Variants in TTYH3 observed in about 807,000 individuals in gnomAD.
TTYH3 encodes protein tweety homolog 3.
Under a neutral mutation model 68.2 loss-of-function variants are expected in TTYH3, and 23 were observed. That is an observed-to-expected ratio of 0.34 (90% CI 0.24 to 0.48). The LOEUF is 0.48. TTYH3 is among the 20% of genes least tolerant of loss of function. The pLI is 0.99. For missense variants in TTYH3, 768 were observed against 727.7 expected, an observed-to-expected ratio of 1.06 and a Z score of -0.64; for synonymous variants, 360 against 332.8, an observed-to-expected ratio of 1.08 and a Z score of -0.89.
At chr7:2,646,830 C>T in intron 1 of TTYH3, 23 bp from the exon 2 acceptor site, 8 of 1,585,710 alleles carry the variant, frequency 5.0e-6, no homozygotes, top group Non-Finnish European at 6.8e-6. Context: ...ACCCCTCCAG[C>T]GCCGCTTCCT....
rs1198391209 is a variant in TTYH3 at position 2,647,147 on chromosome 7, G to C, written c.299G>C (p.Gly100Ala). Residue 100 changes from glycine to alanine, a missense_variant, in exon 3 of 14, where the codon GGC (glycine) becomes GCC (alanine). Coordinates refer to ENST00000258796, the MANE Select transcript of TTYH3 (RefSeq NM_025250.3). ...CACGGGCCCGCCCTCTCCAGCGCCG[G>C]CATCGCAGTGGGATTCTACGGCAAC... ...VIIATLVCSAGIAVGFYGNGE... is the reference protein window; with the variant it reads ...VIIATLVCSAAIAVGFYGNGE... 4 of 1,602,700 alleles carry C rather than the reference G, an allele frequency of 2.5e-6. No homozygotes were observed. In the Admixed American group the frequency reaches 5.1e-5, roughly 20 times the overall value.
intron 7 of TTYH3, 96 bp downstream of exon 7, chr7:2,650,084 T>G: frequency 7.8e-7 from 1 of 1,283,884 alleles, no homozygotes; most frequent in Non-Finnish European, 1.1e-6. Context: ...CCCTGCCCTG[T>G]GGGTCCATGG....
chr7:2,658,878 G>A (rs368669972), intron 12 of TTYH3, 62 bp from the exon 13 acceptor site: 40 of 1,550,540 alleles, frequency 2.6e-5, no homozygotes, highest in Non-Finnish European at 3.4e-5. Flanking sequence ...TGGGCCCCCC[G>A]ACCTGCAGCT....
chr7:2,635,987 C>T (rs1258153370), intron 1 of TTYH3, among the ~76,000 whole-genome samples: 3 of 152,244 alleles, frequency 2.0e-5, no homozygotes, highest in Non-Finnish European at 2.9e-5. Flanking sequence ...TCTGACTGCG[C>T]ACGGGGAATG....
At chr7:2,659,977 G>T (rs564765975) in intron 13 of TTYH3, 1 of 1,303,904 alleles carries the variant, frequency 7.7e-7, no homozygotes, top group South Asian at 1.2e-5. Flanking sequence ...AGCCACGCGG[G>T]CTGGCAGTTT....
chr7:2,660,073 C>T, intron 13 of TTYH3: 1 of 1,290,878 alleles, frequency 7.7e-7, no homozygotes, highest in East Asian at 5.6e-5. Flanking sequence ...TCCCGCACGG[C>T]CACCCGCCTG....
At chr7:2,657,544 A>G (rs1208970294) in intron 11 of TTYH3, among the ~76,000 whole-genome samples, 1 of 152,142 alleles carries the variant, frequency 6.6e-6, no homozygotes, top group East Asian at 1.9e-4. Context: ...GGGAGTAGAT[A>G]AGAGCATAGC....
chr7:2,639,396 T>A (rs905802574), intron 1 of TTYH3, among the ~76,000 whole-genome samples: 2 of 152,150 alleles, frequency 1.3e-5, no homozygotes, highest in Non-Finnish European at 2.9e-5. Flanking sequence ...CCTGTTGCGG[T>A]ACCCACGATG....
intron 13 of TTYH3, 99 bp from the exon 14 acceptor site, chr7:2,661,569 G>T (rs1267977622): frequency 8.4e-7 from 1 of 1,186,906 alleles, no homozygotes; most frequent in Non-Finnish European, 1.2e-6. Flanking sequence ...CTGCCCCCAG[G>T]GCTGTTGGCT....
intron 1 of TTYH3, among the ~76,000 whole-genome samples, chr7:2,634,396 G>A (rs947412368): frequency 7.2e-5 from 11 of 152,150 alleles, no homozygotes; most frequent in Non-Finnish European, 1.2e-4. Context: ...CCTGGGCTGT[G>A]GCAGGCGCCC....
chr7:2,648,720 A>G (rs1402790593), intron 5 of TTYH3, among the ~76,000 whole-genome samples: 2 of 151,940 alleles, frequency 1.3e-5, no homozygotes, highest in Non-Finnish European at 2.9e-5. Context: ...CTGGAGAGGA[A>G]AAGCCGGGGT....
chr7:2,634,037 C>T (rs1785593277), intron 1 of TTYH3, among the ~76,000 whole-genome samples: 1 of 152,262 alleles, frequency 6.6e-6, no homozygotes, highest in African/African-American at 2.4e-5. Flanking sequence ...CTTTCCTCCC[C>T]TGCCCTGCGC....
intron 1 of TTYH3, among the ~76,000 whole-genome samples, chr7:2,646,648 T>A (rs1004700587): frequency 1.3e-5 from 2 of 152,154 alleles, no homozygotes; most frequent in Non-Finnish European, 2.9e-5. Flanking sequence ...GTCCCAGGTG[T>A]GGGGTCCAGG....
Position 2,647,622 on chromosome 7 carries a change from C to G in TTYH3, c.610C>G (p.Leu204Val), listed in dbSNP as rs749739694. 2.5e-6 allele frequency: 4 copies of G among 1,571,268 alleles called. No homozygotes were observed. The highest frequency in any genetic ancestry group is 3.5e-6 in the Non-Finnish European group (4 of 1,159,068). Residue 204 changes from leucine to valine, a missense_variant, in exon 4 of 14, where the codon CTC (leucine) becomes GTC (valine). By Grantham distance (32) the Leu-to-Val change is conservative. Coordinates refer to ENST00000258796, the MANE Select transcript of TTYH3 (RefSeq NM_025250.3). ...SLEVLAEQVD[L>V]YDWYRWLGYL... ...GGAGGTGCTGGCGGAGCAGGTGGAT[C>G]TCTACGACTGGTACAGGTGCGGCCA...
At chr7:2,641,455 AGGCTGC>A (rs1583559035) in intron 1 of TTYH3, among the ~76,000 whole-genome samples, 1 of 148,768 alleles carries the variant, frequency 6.7e-6, no homozygotes, top group African/African-American at 2.5e-5. Flanking sequence ...AGGGGGACTG[AGGCTGC>A]AGGAGGGGGT....
In TTYH3 at chr7:2,663,279, C is replaced by G. The variant is rs866685920; in HGVS notation, c.*1540C>G. 1 of 152,724 alleles carries G rather than the reference C, an allele frequency of 6.5e-6. No individual in the cohort carries two copies. The highest frequency in any genetic ancestry group is 1.9e-4 in the East Asian group (1 of 5,284). The allele number at this position is 152,724 out of a possible 1,614,324, so 9.5% of individuals were successfully genotyped here. On this transcript the variant is annotated 3_prime_UTR_variant, in exon 14 of 14. Transcript: ENST00000258796. ...GCCGCCAGCCCCAGCAGTTTACAGACGCATGGCTCTTCCTCCCAGAGCAGC... is the reference window on the plus strand; with the variant it reads ...GCCGCCAGCCCCAGCAGTTTACAGAGGCATGGCTCTTCCTCCCAGAGCAGC...
At chr7:2,632,405 ACCT>A (rs1194685391) in intron 1 of TTYH3, 127 bp downstream of exon 1, 5 of 950,000 alleles carry the variant, frequency 5.3e-6, no homozygotes, top group Non-Finnish European at 7.1e-6. Context: ...GGTCACGGCC[ACCT>A]CCTCCTCGCA....
chr7:2,632,405 A>G, intron 1 of TTYH3, 127 bp downstream of exon 1: 1 of 950,112 alleles, frequency 1.1e-6, no homozygotes, highest in South Asian at 2.7e-5. Context: ...GGTCACGGCC[A>G]CCTCCTCCTC....
rs112743770 is a variant in TTYH3 at position 2,661,742 on chromosome 7, C to A, written c.*3C>A. ...CTGACTCCAGCGGCAGCCACTAGAC[C>A]GCGCCCGGCAGCCACCCACCCCACG... On this transcript the variant is annotated 3_prime_UTR_variant, in exon 14 of 14. Coordinates refer to ENST00000258796, the MANE Select transcript of TTYH3 (RefSeq NM_025250.3). The A allele has an allele frequency of 2.5e-5, 40 of 1,609,660 alleles. No homozygotes were observed. The highest frequency in any genetic ancestry group is 4.0e-5 in the African/African-American group (3 of 74,838).
Sources: gnomAD v4.1 joint callset for allele counts (sites outside exome capture counted in the v4.1 genomes callset) on GRCh38, gnomAD v4.1.1 for gene constraint, MANE v1.5 for transcripts, NCBI Gene and HGNC (gene_info 2026-07-23, HGNC 2026-07-21) for gene names.